ADIPOR1: variants seen among roughly 807,000 people sequenced by gnomAD.
The protein encoded by ADIPOR1 is adiponectin receptor protein 1.
In ADIPOR1, 15 loss-of-function variants were observed where a neutral mutation model predicts 37.5. That is an observed-to-expected ratio of 0.40 (90% CI 0.27 to 0.62). ADIPOR1 has a LOEUF of 0.62. Ranked by LOEUF, ADIPOR1 falls within the 20% of genes least tolerant of loss-of-function variation. ADIPOR1 has a pLI of 0.42. For synonymous variants in ADIPOR1, 173 were observed against 173.2 expected (o/e 1.00, Z 0.01); for missense variants, 286 against 478.0 (o/e 0.60, Z 3.75).
chr1:202,944,774 T>C (rs1654238556), intron 5 of ADIPOR1: 2 of 410,952 alleles, frequency 4.9e-6, no homozygotes, highest in African/African-American at 2.0e-5. Flanking sequence ...GGTCTCTCCA[T>C]CTGTTGAAGA....
chr1:202,952,620 G>C (rs1654622187), intron 1 of ADIPOR1, among the ~76,000 whole-genome samples: 1 of 152,142 alleles, frequency 6.6e-6, no homozygotes, highest in South Asian at 2.1e-4. Context: ...AGAAACTCCA[G>C]GTTCTCCTGC....
chr1:202,954,189 A>G (rs1295560549), intron 1 of ADIPOR1: 1 of 152,308 alleles, frequency 6.6e-6, no homozygotes, highest in Admixed American at 6.5e-5. Flanking sequence ...CAAACCAGCC[A>G]TCAGCTACAA....
chr1:202,955,155 C>T (rs1350973105), intron 1 of ADIPOR1, among the ~76,000 whole-genome samples: 1 of 152,074 alleles, frequency 6.6e-6, no homozygotes, highest in Admixed American at 6.5e-5. Flanking sequence ...CTCTCCTACT[C>T]GATGCCAAGC....
intron 1 of ADIPOR1, among the ~76,000 whole-genome samples, chr1:202,956,481 G>A (rs953099072): frequency 6.6e-6 from 1 of 152,200 alleles, no homozygotes; most frequent in Non-Finnish European, 1.5e-5. Context: ...GCAAAGAGGA[G>A]TCAGAGGGTT....
intron 1 of ADIPOR1, among the ~76,000 whole-genome samples, chr1:202,953,116 G>T (rs1189274696): frequency 1.3e-5 from 2 of 152,086 alleles, no homozygotes; most frequent in Admixed American, 6.5e-5. Flanking sequence ...CTCGAGGATG[G>T]GCAACCCGTG....
chr1:202,941,829 A>G, intron 7 of ADIPOR1, 128 bp from the exon 8 acceptor site: 2 of 1,317,822 alleles, frequency 1.5e-6, no homozygotes, highest in Non-Finnish European at 2.1e-6. Context: ...TTAAAGTGGT[A>G]TATTTAGAAA....
In ADIPOR1 at chr1:202,942,221, G is replaced by C; in HGVS notation, c.806-3C>G. 8 of 1,612,526 alleles carry C rather than the reference G, an allele frequency of 5.0e-6. No homozygotes were observed. The highest frequency in any genetic ancestry group is 6.8e-6 in the Non-Finnish European group (8 of 1,179,116). ...CAAGCCAAGTCCCAGGAACACGCCT[G>C]AACAGAACAGACATAAGACTGTCAA... is the stretch of plus-strand genomic sequence containing the variant. On this transcript the variant is annotated splice_region_variant and splice_polypyrimidine_tract_variant and intron_variant, in intron 6 of 7. Coordinates refer to ENST00000340990, the MANE Select transcript of ADIPOR1 (RefSeq NM_015999.6).
intron 5 of ADIPOR1, chr1:202,944,678 C>A: frequency 5.2e-6 from 1 of 192,666 alleles, no homozygotes. Context: ...TACGCTTGTA[C>A]AAGGTCTTGG....
At chr1:202,943,973 A>G (rs1438744840) in intron 5 of ADIPOR1, 28 bp from the exon 6 acceptor site, 1 of 1,582,316 alleles carries the variant, frequency 6.3e-7, no homozygotes, top group South Asian at 1.1e-5. Context: ...AATGAAACAA[A>G]TCAGTGGGGG....
Position 202,941,082 on chromosome 1 carries a change from A to T in ADIPOR1, c.*491T>A, listed in dbSNP as rs1203139112. 6.5e-6 allele frequency: 1 copy of T among 152,680 alleles called. No individual in the cohort carries two copies. The highest frequency in any genetic ancestry group is 2.4e-5 in the African/African-American group (1 of 41,452). The allele number at this position is 152,680 out of a possible 1,614,324, so 9.5% of individuals were successfully genotyped here. On this transcript the variant is annotated 3_prime_UTR_variant, in exon 8 of 8. Coordinates refer to ENST00000340990, the MANE Select transcript of ADIPOR1 (RefSeq NM_015999.6). Reference sequence around the variant, plus strand: ...GGTGGCTTTATTCTTCCTGCTCTATAAGCAGATCCAGGCCCTAGAAAGATG... The same window carrying T: ...GGTGGCTTTATTCTTCCTGCTCTATTAGCAGATCCAGGCCCTAGAAAGATG...
At chr1:202,948,165 A>C in intron 3 of ADIPOR1, 139 bp downstream of exon 3, 1 of 627,208 alleles carries the variant, frequency 1.6e-6, no homozygotes, top group Non-Finnish European at 2.7e-6. Context: ...ACATTGATTT[A>C]CCTCATCTTA....
chr1:202,946,446 A>T lies in ADIPOR1; in HGVS notation c.423T>A (p.His141Gln), dbSNP rs1345460727. 6.2e-7 allele frequency: 1 copy of T among 1,614,062 alleles called. No individual in the cohort carries two copies. ...CCCATCCAAATCACTCACCAAGCAGATGGGTCCAGATGTTGCCAGTTTCTG... is the reference window on the plus strand; with the variant it reads ...CCCATCCAAATCACTCACCAAGCAGTTGGGTCCAGATGTTGCCAGTTTCTG... Reference protein sequence around the residue: ...IHTETGNIWTHLLGFVLFLFL... With the variant: ...IHTETGNIWTQLLGFVLFLFL... The change falls in exon 4 of 8, where the codon CAT becomes CAA. Residue 141 changes from histidine (H) to glutamine (Q), a missense_variant. His to Gln is a conservative substitution (Grantham distance 24). Transcript: ENST00000340990.
At chr1:202,954,959 A>T (rs1409154873) in intron 1 of ADIPOR1, among the ~76,000 whole-genome samples, 1 of 152,160 alleles carries the variant, frequency 6.6e-6, no homozygotes, top group Non-Finnish European at 1.5e-5. Context: ...GGTAGCCTCT[A>T]TCCATACCTA....
chr1:202,953,645 G>A (rs951405685), intron 1 of ADIPOR1, among the ~76,000 whole-genome samples: 1 of 152,040 alleles, frequency 6.6e-6, no homozygotes, highest in African/African-American at 2.4e-5. Context: ...TTTAGCAAGT[G>A]TATTTAGGAC....
At chr1:202,950,806 G>C in intron 2 of ADIPOR1, 124 bp downstream of exon 2, 1 of 1,337,884 alleles carries the variant, frequency 7.5e-7, no homozygotes, top group Non-Finnish European at 1.0e-6. Context: ...TAGGGACTTG[G>C]ATAGAGACAT....
At chr1:202,946,813 A>T (rs989162043) in intron 3 of ADIPOR1, among the ~76,000 whole-genome samples, 11 of 140,866 alleles carry the variant, frequency 7.8e-5, no homozygotes, top group African/African-American at 2.3e-4. Flanking sequence ...TTTGACCATT[A>T]AAAAAAAAAA....
Position 202,942,085 on chromosome 1 carries a change from T to C in ADIPOR1, c.939A>G (p.Gly313=). 1.2e-6 allele frequency: 2 copies of C among 1,614,140 alleles called. No individual in the cohort carries two copies. The highest frequency in any genetic ancestry group is 1.7e-6 in the Non-Finnish European group (2 of 1,180,026). Residue 313 remains glycine (G), a synonymous_variant, in exon 7 of 8, where the codon GGA becomes GGG. Transcript: ENST00000340990. ...GAATTCGAGCAGCATAAAGGCCAGC[T>C]CCAGTGATGTACATCACAGCCATGA... The part of the protein sequence containing the change: ...FFLMAVMYIT[G]AGLYAARIPE...
chr1:202,949,408 G>A (rs61822681), intron 2 of ADIPOR1, among the ~76,000 whole-genome samples: 45,526 of 150,790 alleles, frequency 0.3, 7,124 homozygotes, highest in African/African-American at 0.37. Flanking sequence ...GTGAAACCCT[G>A]TCTCTACTAA....
chr1:202,948,092 G>A (rs569813451), intron 3 of ADIPOR1, among the ~76,000 whole-genome samples: 11 of 152,214 alleles, frequency 7.2e-5, no homozygotes, highest in African/African-American at 1.4e-4. Flanking sequence ...AAAAGAATCC[G>A]TTTTAAGAAT....
Sources: allele counts gnomAD v4.1 joint callset (sites outside exome capture counted in the v4.1 genomes callset), GRCh38; gene constraint gnomAD v4.1.1; transcripts MANE v1.5; gene names NCBI Gene and HGNC (gene_info 2026-07-23, HGNC 2026-07-21).